The following GALNT17 variants were observed in gnomAD, a reference collection of about 807,000 sequenced individuals.
GALNT17 encodes UDP-GalNAc:polypeptide N-acetylgalactosaminyltransferase-like 3.
GALNT17 carries 29 observed loss-of-function variants against 63.7 expected under a neutral mutation model. The observed-to-expected ratio is 0.46, with a 90% CI of 0.34 to 0.62. The LOEUF (loss-of-function observed/expected upper bound fraction) is 0.62. Among genes scored for constraint, GALNT17 ranks in the 20% least tolerant of loss-of-function variants. The pLI is 0.01. For missense variants in GALNT17, 603 were observed against 799.6 expected (o/e 0.75, Z 2.97); for synonymous variants, 305 against 318.3 (o/e 0.96, Z 0.45).
chr7:71,545,765 G>T (rs1156891362), intron 5 of GALNT17, among the ~76,000 whole-genome samples: 1 of 152,086 alleles, frequency 6.6e-6, no homozygotes, highest in African/African-American at 2.4e-5. Flanking sequence ...TACTTACAGT[G>T]GATTGTTTCC....
intron 1 of GALNT17, among the ~76,000 whole-genome samples, chr7:71,181,441 GC>G (rs1788733947): frequency 1.3e-5 from 2 of 152,070 alleles, no homozygotes; most frequent in African/African-American, 4.8e-5. Flanking sequence ...TGACCCCAGG[GC>G]CTTTCACTGA....
chr7:71,631,698 C>T (rs1790454700), intron 6 of GALNT17, among the ~76,000 whole-genome samples: 1 of 152,058 alleles, frequency 6.6e-6, no homozygotes, highest in Non-Finnish European at 1.5e-5. Context: ...GAGGATGAAC[C>T]ATTTGCCGTC....
chr7:71,293,604 T>C (rs1161375606), intron 1 of GALNT17, among the ~76,000 whole-genome samples: 3 of 152,182 alleles, frequency 2.0e-5, no homozygotes, highest in Admixed American at 6.5e-5. Context: ...CCTTATTAGA[T>C]AAACATTTCT....
rs1788608817 is a variant in GALNT17 at position 71,174,968 on chromosome 7, A to C, written c.238+41928A>C. On this transcript the variant is annotated intron_variant, in intron 1 of 10. Transcript: ENST00000333538. ...GAAAACTTTTTAAATGAAAAATTTC[A>C]AACATGCATACAAGTAGGAAGGACC... Among the ~76,000 whole-genome samples, 3 of 152,228 alleles carry C rather than the reference A, an allele frequency of 2.0e-5. No individual in the cohort carries two copies. In the South Asian group the frequency reaches 6.2e-4, roughly 31 times the overall value.
intron 3 of GALNT17, among the ~76,000 whole-genome samples, chr7:71,404,689 G>GTA (rs1163986962): frequency 2.0e-5 from 3 of 152,250 alleles, no homozygotes; most frequent in African/African-American, 7.2e-5. Flanking sequence ...GGGTGTGTGT[G>GTA]TATCACCATA....
intron 1 of GALNT17, among the ~76,000 whole-genome samples, chr7:71,195,957 T>C (rs181405953): frequency 2.0e-5 from 3 of 152,174 alleles, no homozygotes; most frequent in African/African-American, 7.2e-5. Flanking sequence ...AACTCCCTAA[T>C]GAGCTTCTCT....
chr7:71,133,122 G>T (rs768442761), intron 1 of GALNT17, 82 bp downstream of exon 1: 2 of 1,246,042 alleles, frequency 1.6e-6, no homozygotes, highest in African/African-American at 1.6e-5. Flanking sequence ...TGCGCGCTGC[G>T]CCCTGTGCCT....
intron 3 of GALNT17, among the ~76,000 whole-genome samples, chr7:71,389,504 C>T (rs1793010958): frequency 6.6e-6 from 1 of 152,120 alleles, no homozygotes; most frequent in Non-Finnish European, 1.5e-5. Context: ...CTGAAACCAT[C>T]TCCCCTGACC....
chr7:71,700,021 G>C (rs1181142945), intron 9 of GALNT17, among the ~76,000 whole-genome samples: 1 of 152,136 alleles, frequency 6.6e-6, no homozygotes, highest in Non-Finnish European at 1.5e-5. Context: ...GCCAGGCACA[G>C]TGGCTCACAC....
chr7:71,547,798 A>G (rs922137233), intron 5 of GALNT17, among the ~76,000 whole-genome samples: 2 of 152,212 alleles, frequency 1.3e-5, no homozygotes, highest in Admixed American at 1.3e-4. Context: ...AGCCATATGT[A>G]ATAGGGATTG....
chr7:71,653,842 A>G (rs1790788220), intron 6 of GALNT17, among the ~76,000 whole-genome samples: 1 of 152,164 alleles, frequency 6.6e-6, no homozygotes, highest in African/African-American at 2.4e-5. Context: ...GTGCTCCCTC[A>G]TGGACATGAC....
At chr7:71,648,458 T>A (rs1402704669) in intron 6 of GALNT17, among the ~76,000 whole-genome samples, 1 of 152,036 alleles carries the variant, frequency 6.6e-6, no homozygotes, top group East Asian at 1.9e-4. Flanking sequence ...AAGATTTTTG[T>A]AGAGACGGGG....
intron 6 of GALNT17, among the ~76,000 whole-genome samples, chr7:71,594,730 G>A (rs757291805): frequency 6.6e-6 from 1 of 152,146 alleles, no homozygotes; most frequent in Admixed American, 6.5e-5. Context: ...GAGGTTGGTC[G>A]ATATTCCAGT....
At chr7:71,426,204 A>G (rs186719833) in intron 5 of GALNT17, among the ~76,000 whole-genome samples, 1 of 152,122 alleles carries the variant, frequency 6.6e-6, no homozygotes, top group East Asian at 1.9e-4. Flanking sequence ...GGGCTGGGGG[A>G]TTTGGGGAAA....
intron 9 of GALNT17, among the ~76,000 whole-genome samples, chr7:71,684,022 AAAAAC>A (rs1414490084): frequency 2.0e-5 from 3 of 151,632 alleles, no homozygotes; most frequent in Non-Finnish European, 4.4e-5. Context: ...AAAAAAAAAA[AAAAAC>A]AAAAGAAACC....
At chr7:71,435,767 C>T (rs1371185364) in intron 5 of GALNT17, among the ~76,000 whole-genome samples, 3 of 152,150 alleles carry the variant, frequency 2.0e-5, no homozygotes, top group Admixed American at 2.0e-4. Context: ...CGCCTGTAAT[C>T]CCAGCACTTT....
intron 1 of GALNT17, among the ~76,000 whole-genome samples, chr7:71,288,027 G>A (rs1790906289): frequency 1.4e-5 from 2 of 144,044 alleles, no homozygotes; most frequent in South Asian, 2.2e-4. Context: ...ACTCCAGACT[G>A]GTGACAGAGC....
At chr7:71,479,768 G>A (rs78779364) in intron 5 of GALNT17, among the ~76,000 whole-genome samples, 214 of 152,266 alleles carry the variant, frequency 1.4e-3, no homozygotes, top group African/African-American at 5.0e-3. Flanking sequence ...AGCTGATGGT[G>A]TCTGAGTCAA....
Position 71,132,551 on chromosome 7 carries a change from T to G in GALNT17, c.-252T>G. ...GACGCCTGGACGGGGCCGTGCGCCGTGGACTGAGCAGGCGTCTCGGGGAGC... is the reference window on the plus strand; with the variant it reads ...GACGCCTGGACGGGGCCGTGCGCCGGGGACTGAGCAGGCGTCTCGGGGAGC... On this transcript the variant is annotated 5_prime_UTR_variant, in exon 1 of 11. Coordinates refer to ENST00000333538, the MANE Select transcript of GALNT17 (RefSeq NM_022479.3). 2.0e-6 allele frequency: 1 copy of G among 492,004 alleles called. No homozygotes were observed. Among genetic ancestry groups the G allele is most frequent in the Non-Finnish European group, 3.6e-6 (1 of 279,454 alleles). The allele number at this position is 492,004 out of a possible 1,614,324, so 30.5% of individuals were successfully genotyped here.
Sources: gnomAD v4.1 joint callset for allele counts (sites outside exome capture counted in the v4.1 genomes callset) on GRCh38, gnomAD v4.1.1 for gene constraint, MANE v1.5 for transcripts, NCBI Gene and HGNC (gene_info 2026-07-23, HGNC 2026-07-21) for gene names.